The following ITPR1 variants were observed in gnomAD, a reference collection of about 807,000 sequenced individuals.
The protein encoded by ITPR1 is inositol 1,4,5-trisphosphate-gated calcium channel ITPR1.
ITPR1 carries 96 observed loss-of-function variants against 318.4 expected under a neutral mutation model. That is an observed-to-expected ratio of 0.30 (90% CI 0.26 to 0.36). ITPR1 has a LOEUF of 0.36. Ranked by LOEUF, ITPR1 falls within the 10% of genes least tolerant of loss-of-function variation. The pLI is 1.00. For missense variants in ITPR1, 2,440 were observed against 3,460.2 expected, an observed-to-expected ratio of 0.71 and a Z score of 7.40; for synonymous variants, 1,312 against 1,289.9, an observed-to-expected ratio of 1.02 and a Z score of -0.37.
intron 10 of ITPR1, 39 bp from the exon 11 acceptor site, chr3:4,652,084 G>A (rs2093610060): frequency 6.9e-7 from 1 of 1,452,456 alleles, no homozygotes; most frequent in Admixed American, 1.8e-5. Flanking sequence ...TCCTAGTGTA[G>A]GTTGACATTT....
Position 4,613,462 on chromosome 3 carries a change from G to A in ITPR1, c.164-14301G>A, listed in dbSNP as rs902521832. 2.0e-5 allele frequency among the ~76,000 whole-genome samples: 3 copies of A among 152,120 alleles called. No individual in the cohort carries two copies. In the South Asian group the frequency reaches 6.2e-4, roughly 32 times the overall value. On this transcript the variant is annotated intron_variant, in intron 4 of 61. Coordinates refer to ENST00000649015, the MANE Select transcript of ITPR1 (RefSeq NM_001378452.1). ...TTTTTCTTTCACGGAAGAGGGAATT[G>A]GGGGGAACTTCCCTCTGTTGCTGCT...
At chr3:4,729,553 T>G (rs780696957) in intron 42 of ITPR1, among the ~76,000 whole-genome samples, 10 of 152,312 alleles carry the variant, frequency 6.6e-5, no homozygotes, top group South Asian at 2.1e-4. Flanking sequence ...CTCTCTCTCC[T>G]TTGTGTGTGG....
chr3:4,697,021 A>T, intron 33 of ITPR1, 126 bp from the exon 34 acceptor site: 1 of 711,570 alleles, frequency 1.4e-6, no homozygotes, highest in South Asian at 2.2e-5. Context: ...AAAATCATAG[A>T]AGTAAGACTT....
chr3:4,617,982 G>A (rs757094081), intron 4 of ITPR1, among the ~76,000 whole-genome samples: 7 of 126,960 alleles, frequency 5.5e-5, no homozygotes, highest in African/African-American at 1.3e-4. Flanking sequence ...GAGACCGTGC[G>A]TATCTCAAAA....
At chr3:4,579,588 G>C (rs988080976) in intron 4 of ITPR1, among the ~76,000 whole-genome samples, 1 of 152,204 alleles carries the variant, frequency 6.6e-6, no homozygotes, top group African/African-American at 2.4e-5. Context: ...ATCACAAGTT[G>C]AGTGTATCCA....
At chr3:4,545,109 G>A (rs2084841289) in intron 4 of ITPR1, among the ~76,000 whole-genome samples, 2 of 152,078 alleles carry the variant, frequency 1.3e-5, no homozygotes, top group African/African-American at 2.4e-5. Flanking sequence ...AGCTTCTCAT[G>A]AATCAAAAGC....
At chr3:4,625,932 G>A (rs1479659883) in intron 4 of ITPR1, among the ~76,000 whole-genome samples, 1 of 152,158 alleles carries the variant, frequency 6.6e-6, no homozygotes, top group Admixed American at 6.5e-5. Context: ...TTTTCATGGG[G>A]AGTGTCAATT....
intron 60 of ITPR1, among the ~76,000 whole-genome samples, chr3:4,829,954 G>GTTTTT (rs35099159): frequency 4.8e-4 from 13 of 27,096 alleles, no homozygotes; most frequent in African/African-American, 1.2e-3. Context: ...ATGTATAACA[G>GTTTTT]TTTTTTTTTT....
chr3:4,809,308 T>A (rs547817305), intron 55 of ITPR1, among the ~76,000 whole-genome samples: 8 of 152,242 alleles, frequency 5.3e-5, no homozygotes, highest in Non-Finnish European at 1.2e-4. Context: ...GAAGTGTTCC[T>A]CACAGCATTA....
At chr3:4,508,742 GT>G (rs1443188010) in intron 2 of ITPR1, among the ~76,000 whole-genome samples, 1 of 152,106 alleles carries the variant, frequency 6.6e-6, no homozygotes, top group Non-Finnish European at 1.5e-5. Flanking sequence ...CTTTGAAGAG[GT>G]TTCCACCACC....
chr3:4,611,349 C>A (rs2092106658), intron 4 of ITPR1, among the ~76,000 whole-genome samples: 1 of 151,492 alleles, frequency 6.6e-6, no homozygotes, highest in Non-Finnish European at 1.5e-5. Flanking sequence ...TACTTGAGGT[C>A]AGGAGTTTGA....
At chr3:4,777,931 C>T (rs1466707597) in intron 48 of ITPR1, among the ~76,000 whole-genome samples, 1 of 152,162 alleles carries the variant, frequency 6.6e-6, no homozygotes, top group Non-Finnish European at 1.5e-5. Flanking sequence ...AAAAATGTGC[C>T]TGCGGGCCTC....
intron 4 of ITPR1, among the ~76,000 whole-genome samples, chr3:4,605,841 G>A (rs993175220): frequency 1.3e-5 from 2 of 152,250 alleles, no homozygotes. Flanking sequence ...TCTTCTGGTT[G>A]TTCTCCTCTC....
intron 35 of ITPR1, among the ~76,000 whole-genome samples, chr3:4,701,145 G>A (rs1324231156): frequency 6.6e-6 from 1 of 152,178 alleles, no homozygotes; most frequent in African/African-American, 2.4e-5. Flanking sequence ...GTACACTGAG[G>A]TGTCAAATAG....
intron 40 of ITPR1, among the ~76,000 whole-genome samples, chr3:4,723,532 C>G (rs150090282): frequency 2.7e-4 from 41 of 152,010 alleles, no homozygotes; most frequent in Non-Finnish European, 8.8e-5. Context: ...AATAGTGTGT[C>G]AGTACAATCA....
rs181297938 is a variant in ITPR1, at chr3:4,691,552, C to A, written c.4029+208C>A. On this transcript the variant is annotated intron_variant, in intron 32 of 61. Coordinates refer to ENST00000649015, the MANE Select transcript of ITPR1 (RefSeq NM_001378452.1). ...ATCTGATCTGATATTTCATAGCAAC[C>A]AATTTAAGGAAGGATGGCTTGGATT... Among the ~76,000 whole-genome samples the A allele has an allele frequency of 3.3e-3, 498 of 152,126 alleles. 7 individuals are homozygous for A. The highest frequency in any genetic ancestry group is 0.011 in the African/African-American group (475 of 41,526).
intron 4 of ITPR1, among the ~76,000 whole-genome samples, chr3:4,564,868 G>A (rs1439114357): frequency 3.9e-5 from 6 of 152,238 alleles, no homozygotes; most frequent in South Asian, 4.2e-4. Flanking sequence ...GTTTTCCAGC[G>A]CTAGACAAAT....
chr3:4,742,698 TTCC>T lies in ITPR1; in HGVS notation c.5544+7351_5544+7353del, dbSNP rs2043796346. Reference sequence around the variant, plus strand: ...AGACTTGAACTCCTGGGCTCAAGCATTCCTCCTCCCTCAGCCTCCTGAGTAGCT... The same window carrying T: ...AGACTTGAACTCCTGGGCTCAAGCATTCCTCCCTCAGCCTCCTGAGTAGCT... On this transcript the variant is annotated intron_variant, in intron 44 of 61. Transcript: ENST00000649015. 2.0e-5 allele frequency among the ~76,000 whole-genome samples: 3 copies of T among 152,322 alleles called. 1 individual carries two copies. In the South Asian group the frequency reaches 6.2e-4, roughly 32 times the overall value.
chr3:4,818,224 C>G lies in ITPR1; in HGVS notation c.8010C>G (p.Tyr2670Ter). Residue 2670 changes from tyrosine (Y) to a stop codon, truncating the protein, a stop_gained, in exon 60 of 62, where the codon TAC (tyrosine) becomes TAG (stop). Coordinates refer to ENST00000649015, the MANE Select transcript of ITPR1 (RefSeq NM_001378452.1). LOFTEE classifies it high-confidence loss of function. Reference sequence around the variant, plus strand: ...CCGAATATACTGGGCCTGAGAGTTACGTGGCAGAAATGATCAAGGTGAGTG... The same window carrying G: ...CCGAATATACTGGGCCTGAGAGTTAGGTGGCAGAAATGATCAAGGTGAGTG... The part of the protein sequence containing the change: ...DSTEYTGPES[Y>*]VAEMIKERNL... The G allele has an allele frequency of 6.4e-7, 1 of 1,570,366 alleles. No homozygotes were observed. Among genetic ancestry groups the G allele is most frequent in the Non-Finnish European group, 8.7e-7 (1 of 1,146,604 alleles).
Sources: gnomAD v4.1 joint callset for allele counts (sites outside exome capture counted in the v4.1 genomes callset) on GRCh38, gnomAD v4.1.1 for gene constraint, MANE v1.5 for transcripts, NCBI Gene and HGNC (gene_info 2026-07-23, HGNC 2026-07-21) for gene names.